Variants in FHIT observed in about 807,000 individuals in gnomAD.
FHIT encodes the protein bis(5'-adenosyl)-triphosphatase.
Under a neutral mutation model 17.9 loss-of-function variants are expected in FHIT, and 19 were observed. The ratio of observed to expected loss-of-function variants is 1.06; its 90% CI spans 0.74 to 1.56. FHIT has a LOEUF of 1.56. Among genes scored for constraint, FHIT ranks in the 40% most tolerant of loss-of-function variants. The pLI is 0.00. For missense variants in FHIT, 248 were observed against 189.2 expected (o/e 1.31, Z -1.82); for synonymous variants, 81 against 69.7 (o/e 1.16, Z -0.81).
intron 4 of FHIT, among the ~76,000 whole-genome samples, chr3:60,541,489 G>A (rs1447669790): frequency 1.3e-5 from 2 of 152,054 alleles, no homozygotes. Context: ...TTCTACATGT[G>A]GGGCTATTCG....
At position 61,012,234 on chromosome 3, in the gene FHIT, T is replaced by A. The variant is rs928576402; in HGVS notation, c.-111+29813A>T. On this transcript the variant is annotated intron_variant, in intron 3 of 9. Transcript: ENST00000492590. ...CCTCTAAGAGAAAGAGGAATAGGTA[T>A]AATTAATGGGCATTTGAGAAGCTTT... Among the ~76,000 whole-genome samples, 5 of 152,302 alleles carry A rather than the reference T, an allele frequency of 3.3e-5. No homozygotes were observed. The East Asian group carries it at 9.6e-4, about 29-fold the overall frequency.
At chr3:60,202,021 AAG>A (rs1270739129) in intron 5 of FHIT, among the ~76,000 whole-genome samples, 5 of 152,182 alleles carry the variant, frequency 3.3e-5, no homozygotes, top group African/African-American at 1.2e-4. Context: ...TCCAGGAACA[AAG>A]AGGAGAAAAA....
chr3:59,823,358 T>C (rs1002712179), intron 8 of FHIT, among the ~76,000 whole-genome samples: 8 of 152,316 alleles, frequency 5.3e-5, no homozygotes, highest in South Asian at 2.1e-4. Context: ...GGGAATTGCA[T>C]TGAATTTGTA....
At chr3:60,531,424 G>T (rs1206140700) in intron 5 of FHIT, among the ~76,000 whole-genome samples, 1 of 151,686 alleles carries the variant, frequency 6.6e-6, no homozygotes, top group African/African-American at 2.4e-5. Flanking sequence ...GACTACAGGC[G>T]CCCGCTACCA....
intron 2 of FHIT, among the ~76,000 whole-genome samples, chr3:61,199,828 C>T (rs984984411): frequency 6.6e-6 from 1 of 152,094 alleles, no homozygotes; most frequent in African/African-American, 2.4e-5. Flanking sequence ...ATATTTCACC[C>T]TGGCCACCAA....
chr3:60,450,272 G>T (rs971042128), intron 5 of FHIT, among the ~76,000 whole-genome samples: 1 of 151,958 alleles, frequency 6.6e-6, no homozygotes, highest in South Asian at 2.1e-4. Flanking sequence ...TCAACACTGG[G>T]CAATAGGAAT....
intron 4 of FHIT, among the ~76,000 whole-genome samples, chr3:60,597,373 A>G (rs910891587): frequency 2.0e-5 from 3 of 152,152 alleles, no homozygotes; most frequent in Non-Finnish European, 2.9e-5. Context: ...TTGTTATTTT[A>G]TAGATTTTAA....
intron 1 of FHIT, among the ~76,000 whole-genome samples, chr3:61,238,779 C>T (rs2040294443): frequency 6.6e-6 from 1 of 152,196 alleles, no homozygotes; most frequent in African/African-American, 2.4e-5. Context: ...CTCTTCTTTC[C>T]ACCAATTAAA....
In FHIT at chr3:60,319,326, G is replaced by GT. The variant is rs199707352; in HGVS notation, c.103+217533dup. On this transcript the variant is annotated intron_variant, in intron 5 of 9. Coordinates refer to ENST00000492590, the MANE Select transcript of FHIT (RefSeq NM_002012.4). ...GGAGTTGGCCACAGCTTCCCGACTA[G>GT]TATGGCAGAACAAAACGGTGTGTTG... is the stretch of plus-strand genomic sequence containing the variant. Among the ~76,000 whole-genome samples, 1,028 of 152,170 alleles carry GT rather than the reference G, an allele frequency of 6.8e-3. 16 individuals are homozygous for GT. Among genetic ancestry groups the GT allele is most frequent in the African/African-American group, 0.023 (956 of 41,506 alleles).
intron 5 of FHIT, among the ~76,000 whole-genome samples, chr3:60,356,734 T>C (rs1039074451): frequency 1.0e-4 from 6 of 59,474 alleles, no homozygotes; most frequent in Non-Finnish European, 1.6e-4. Context: ...TGGGCTATTA[T>C]ATAGCAGGAA....
chr3:60,628,418 ATCTCTTTC>A (rs2039350180), intron 4 of FHIT, among the ~76,000 whole-genome samples: 1 of 151,950 alleles, frequency 6.6e-6, no homozygotes, highest in South Asian at 2.1e-4. Flanking sequence ...TGAAGGTTTT[ATCTCTTTC>A]TCTGATATTT....
intron 3 of FHIT, among the ~76,000 whole-genome samples, chr3:61,026,496 G>A (rs901773803): frequency 4.6e-5 from 7 of 151,954 alleles, no homozygotes; most frequent in Non-Finnish European, 8.8e-5. Flanking sequence ...ACTTTTTTTC[G>A]CCAGCCTTAC....
chr3:59,793,674 T>C (rs1699662524), intron 8 of FHIT, among the ~76,000 whole-genome samples: 1 of 152,244 alleles, frequency 6.6e-6, no homozygotes, highest in African/African-American at 2.4e-5. Context: ...TTACATGACT[T>C]TGGTCAAGTG....
chr3:59,989,105 T>C (rs1003507740), intron 7 of FHIT, among the ~76,000 whole-genome samples: 3 of 152,022 alleles, frequency 2.0e-5, no homozygotes, highest in African/African-American at 4.8e-5. Flanking sequence ...CTGAAGTACC[T>C]GGAAATTGGA....
chr3:61,030,383 T>A (rs1219577108), intron 3 of FHIT, among the ~76,000 whole-genome samples: 1 of 152,246 alleles, frequency 6.6e-6, no homozygotes, highest in African/African-American at 2.4e-5. Context: ...TGCAGTGTCA[T>A]TTATGGTATG....
chr3:60,774,566 G>GC (rs1209373505), intron 4 of FHIT, among the ~76,000 whole-genome samples: 9 of 152,260 alleles, frequency 5.9e-5, no homozygotes, highest in African/African-American at 1.7e-4. Flanking sequence ...CTCCCAAAGA[G>GC]TGGGATTACA....
chr3:60,205,944 T>C (rs1324325654), intron 5 of FHIT, among the ~76,000 whole-genome samples: 4 of 150,480 alleles, frequency 2.7e-5, no homozygotes, highest in Admixed American at 2.7e-4. Flanking sequence ...CCGTCTCTAC[T>C]AAAAATACAA....
intron 4 of FHIT, among the ~76,000 whole-genome samples, chr3:60,614,831 G>GTTTT (rs1327062142): frequency 3.7e-5 from 2 of 53,482 alleles, no homozygotes; most frequent in Non-Finnish European, 4.4e-5. Flanking sequence ...TTTTTTTTTT[G>GTTTT]TTTTTTTTTT....
At chr3:61,189,735 G>C (rs1219969066) in intron 2 of FHIT, among the ~76,000 whole-genome samples, 3 of 152,004 alleles carry the variant, frequency 2.0e-5, no homozygotes, top group Admixed American at 1.3e-4. Context: ...CCAAAACAGA[G>C]ACATAGATCA....
Sources: allele counts gnomAD v4.1 joint callset (sites outside exome capture counted in the v4.1 genomes callset), GRCh38; gene constraint gnomAD v4.1.1; transcripts MANE v1.5; gene names NCBI Gene and HGNC (gene_info 2026-07-23, HGNC 2026-07-21).